The following C7 variants were observed in gnomAD, a reference collection of about 807,000 sequenced individuals.
The protein encoded by C7 is complement component C7.
A neutral mutation model predicts 104.8 loss-of-function variants in C7; 83 were observed. The observed-to-expected ratio is 0.79, with a 90% CI of 0.66 to 0.95. C7 has a LOEUF of 0.95. C7 is among the 40% of genes least tolerant of loss of function. The pLI, the probability that C7 is intolerant of heterozygous loss-of-function variation, is 0.00. For missense variants in C7, 1,070 were observed against 1,011.2 expected (o/e 1.06, Z -0.79); for synonymous variants, 415 against 360.6 (o/e 1.15, Z -1.71).
At chr5:40,968,568 TTATATATA>T (rs1240185830) in intron 14 of C7, among the ~76,000 whole-genome samples, 88 of 63,696 alleles carry the variant, frequency 1.4e-3, no homozygotes, top group African/African-American at 1.7e-3. Flanking sequence ...TATATATATT[TTATATATA>T]TATATATATA....
chr5:40,971,978 T>G (rs751458260), intron 14 of C7: 1 of 421,958 alleles, frequency 2.4e-6, no homozygotes, highest in African/African-American at 2.1e-5. Flanking sequence ...AATAAATAAA[T>G]AAATAAAAGT....
chr5:40,975,362 T>G (rs1381921033), intron 15 of C7, among the ~76,000 whole-genome samples: 13 of 115,922 alleles, frequency 1.1e-4, no homozygotes, highest in Admixed American at 3.6e-4. Flanking sequence ...TAAAGAGAAG[T>G]GTGCTTTTTT....
At chr5:40,968,520 T>G in intron 14 of C7, among the ~76,000 whole-genome samples, 1 of 145,680 alleles carries the variant, frequency 6.9e-6, no homozygotes, top group East Asian at 2.0e-4. Context: ...TTATAGAGTT[T>G]TAAATTTTAT....
chr5:40,949,757 C>T (rs983381642), intron 8 of C7, 147 bp from the exon 9 acceptor site: 1 of 622,732 alleles, frequency 1.6e-6, no homozygotes, highest in Non-Finnish European at 2.8e-6. Flanking sequence ...TTTGACTCTT[C>T]TAGAGCACTT....
intron 1 of C7, among the ~76,000 whole-genome samples, chr5:40,910,179 A>G (rs1739177935): frequency 6.6e-6 from 1 of 152,146 alleles, no homozygotes; most frequent in Non-Finnish European, 1.5e-5. Flanking sequence ...TGTTGGCCCA[A>G]TGCAAAAAGG....
At chr5:40,955,233 T>C (rs1180570130) in intron 9 of C7, among the ~76,000 whole-genome samples, 154 bp from the exon 10 acceptor site, 1 of 152,250 alleles carries the variant, frequency 6.6e-6, no homozygotes, top group Non-Finnish European at 1.5e-5. Context: ...AAATATCCTT[T>C]GTGCTCTGCC....
intron 1 of C7, among the ~76,000 whole-genome samples, chr5:40,919,295 T>C (rs1739391963): frequency 2.0e-5 from 3 of 152,028 alleles, no homozygotes; most frequent in Admixed American, 2.0e-4. Flanking sequence ...CAGTTAATTT[T>C]TGTATTTTTA....
chr5:40,945,385 A>G lies in C7; in HGVS notation c.738+17A>G, dbSNP rs1740025686. On this transcript the variant is annotated intron_variant, in intron 7 of 17. Transcript: ENST00000313164. ...AAAGGAAAGGTTAGTATAAAATGTC[A>G]GTTAACTTTTCCATGTTTTACTTTT... The G allele has an allele frequency of 1.3e-6, 2 of 1,533,910 alleles. No homozygotes were observed. The highest frequency in any genetic ancestry group is 1.8e-6 in the Non-Finnish European group (2 of 1,138,856).
rs1196348313 is a variant in C7, at chr5:40,961,946, T to C, written c.1662-139T>C. ...CAGGATGTAAGCAGATATTTGGTTC[T>C]AAGAATGATAAAAATATTACACCAA... On this transcript the variant is annotated intron_variant, in intron 12 of 17. Transcript: ENST00000313164. 1.4e-5 allele frequency: 6 copies of C among 424,602 alleles called. No homozygotes were observed. The Admixed American group carries it at 2.5e-4, about 18-fold the overall frequency. 26.3% of individuals were successfully genotyped at this position (424,602 alleles called of 1,614,324 possible).
At chr5:40,932,997 A>C (rs1739728653) in intron 3 of C7, among the ~76,000 whole-genome samples, 1 of 152,168 alleles carries the variant, frequency 6.6e-6, no homozygotes, top group African/African-American at 2.4e-5. Context: ...TATGCAAACA[A>C]CACCATCTGG....
intron 15 of C7, among the ~76,000 whole-genome samples, 175 bp downstream of exon 15, chr5:40,972,769 AG>A (rs1450255343): frequency 6.6e-6 from 1 of 152,246 alleles, no homozygotes; most frequent in East Asian, 1.9e-4. Flanking sequence ...TGGCACAGAA[AG>A]ACTCATGAAA....
chr5:40,928,980 C>A (rs2459466), intron 2 of C7, among the ~76,000 whole-genome samples: 8,222 of 152,152 alleles, frequency 0.054, 780 homozygotes, highest in African/African-American at 0.19. Context: ...CCTTGCAAAG[C>A]ATCCTCTGGA....
intron 9 of C7, chr5:40,954,986 A>G (rs1273227925): frequency 4.4e-6 from 1 of 227,140 alleles, no homozygotes; most frequent in Non-Finnish European, 8.6e-6. Context: ...TGCAAAATAC[A>G]GAGAGTTCCT....
At position 40,949,948 on chromosome 5, in the gene C7, C is replaced by T; in HGVS notation, c.1027C>T (p.His343Tyr). The T allele has an allele frequency of 6.2e-7, 1 of 1,600,764 alleles. No individual in the cohort carries two copies. Among genetic ancestry groups the T allele is most frequent in the Non-Finnish European group, 8.5e-7 (1 of 1,172,894 alleles). ...EEKKCKSSGW[H>Y]FVVKFSSHGC... ...AAAGAAATGTAAATCCTCAGGTTGGCATTTTGTCGTTAAATTTTCAAGTCA... is the reference window on the plus strand; with the variant it reads ...AAAGAAATGTAAATCCTCAGGTTGGTATTTTGTCGTTAAATTTTCAAGTCA... The change falls in exon 9 of 18, where the codon CAT becomes TAT. Residue 343 changes from histidine to tyrosine, a missense_variant. Coordinates refer to ENST00000313164, the MANE Select transcript of C7 (RefSeq NM_000587.4).
chr5:40,920,276 G>A (rs2111620874), intron 1 of C7, among the ~76,000 whole-genome samples: 1 of 152,096 alleles, frequency 6.6e-6, no homozygotes, highest in African/African-American at 2.4e-5. Context: ...TTAATTTTCT[G>A]TCTGGATGAT....
chr5:40,981,837 C>T lies in C7; in HGVS notation c.*264C>T, dbSNP rs1740954250. On this transcript the variant is annotated 3_prime_UTR_variant, in exon 18 of 18. Transcript: ENST00000313164. ...GTGTTCTTGAAATAGGTGTTACCTT[C>T]TCTGGGCCTTGGTTTTTTAAAATCT... 3.2e-6 allele frequency: 1 copy of T among 316,064 alleles called. No homozygotes were observed. The highest frequency in any genetic ancestry group is 5.8e-6 in the Non-Finnish European group (1 of 173,642). 19.6% of individuals were successfully genotyped at this position (316,064 alleles called of 1,614,324 possible).
chr5:40,964,699 A>T, intron 13 of C7, 42 bp from the exon 14 acceptor site: 1 of 1,587,754 alleles, frequency 6.3e-7, no homozygotes, highest in South Asian at 1.1e-5. Context: ...TTAATGCAAA[A>T]TAGACAAACT....
At chr5:40,935,019 G>C (rs1739783791) in intron 4 of C7, among the ~76,000 whole-genome samples, 1 of 152,162 alleles carries the variant, frequency 6.6e-6, no homozygotes, top group South Asian at 2.1e-4. Flanking sequence ...GGTGAGAGTT[G>C]TATATACAAG....
intron 1 of C7, among the ~76,000 whole-genome samples, chr5:40,912,254 C>A (rs1458240363): frequency 6.6e-6 from 1 of 152,166 alleles, no homozygotes; most frequent in African/African-American, 2.4e-5. Flanking sequence ...ATGAACAGAA[C>A]TGGTCTTGTA....
Sources: gnomAD v4.1 joint callset for allele counts (sites outside exome capture counted in the v4.1 genomes callset) on GRCh38, gnomAD v4.1.1 for gene constraint, MANE v1.5 for transcripts, NCBI Gene and HGNC (gene_info 2026-07-23, HGNC 2026-07-21) for gene names.